Variants in CACNG3 observed in about 807,000 individuals in gnomAD.
The protein encoded by CACNG3 is voltage-dependent calcium channel gamma-3 subunit.
CACNG3 carries 3 observed loss-of-function variants against 28.5 expected under a neutral mutation model. The ratio of observed to expected loss-of-function variants is 0.11; its 90% CI spans 0.05 to 0.27. The LOEUF is 0.27. Ranked by LOEUF, CACNG3 falls within the 10% of genes least tolerant of loss-of-function variation. The probability of loss-of-function intolerance (pLI) is 1.00; values close to 1 mark genes in which losing one functional copy is unlikely to be tolerated. For synonymous variants in CACNG3, 174 were observed against 162.2 expected, an observed-to-expected ratio of 1.07 and a Z score of -0.55; for missense variants, 236 against 414.4, an observed-to-expected ratio of 0.57 and a Z score of 3.74.
intron 1 of CACNG3, among the ~76,000 whole-genome samples, chr16:24,313,761 T>C (rs1021255353): frequency 3.3e-5 from 5 of 152,044 alleles, no homozygotes; most frequent in Admixed American, 1.3e-4. Flanking sequence ...TATTTATTTT[T>C]TGAGATGCAA....
chr16:24,283,798 A>G (rs1364577959), intron 1 of CACNG3, among the ~76,000 whole-genome samples: 2 of 152,214 alleles, frequency 1.3e-5, no homozygotes, highest in African/African-American at 4.8e-5. Context: ...CCCAGAATTT[A>G]TACAAACCTG....
chr16:24,265,033 G>A (rs1363223842), intron 1 of CACNG3, among the ~76,000 whole-genome samples: 1 of 152,146 alleles, frequency 6.6e-6, no homozygotes, highest in Admixed American at 6.5e-5. Context: ...GAGCCCCAAA[G>A]TTTGAGACCA....
chr16:24,354,885 C>A lies in CACNG3; in HGVS notation c.348C>A (p.Phe116Leu). The A allele has an allele frequency of 6.2e-7, 1 of 1,612,362 alleles. No homozygotes were observed. Among genetic ancestry groups the A allele is most frequent in the Non-Finnish European group, 8.5e-7 (1 of 1,180,004 alleles). Reference protein sequence around the residue: ...VFPILSVTLLFFGGLCVAASE... With the variant: ...VFPILSVTLLLFGGLCVAASE... ...CCATCCTCAGTGTCACGCTGCTGTT[C>A]TTCGGCGGGCTCTGCGTGGCAGCCA... Residue 116 changes from phenylalanine (F) to leucine (L), a missense_variant, in exon 3 of 4, where the codon TTC (phenylalanine) becomes TTA (leucine). Physicochemically the swap from Phe to Leu is conservative, Grantham distance 22. Transcript: ENST00000005284.
rs969286145 is a variant in CACNG3 at position 24,336,157 on chromosome 16, G to A, written c.212-10577G>A. ...GGAGAATCGCTTGACCCTGGGAGGC[G>A]GAGGTTGCAGTGAGCCGAGATTGCA... On this transcript the variant is annotated intron_variant, in intron 1 of 3. Coordinates refer to ENST00000005284, the MANE Select transcript of CACNG3 (RefSeq NM_006539.4). Among the ~76,000 whole-genome samples the A allele has an allele frequency of 3.3e-5, 5 of 151,818 alleles. No homozygotes were observed. The South Asian group carries it at 6.2e-4, about 19-fold the overall frequency.
intron 1 of CACNG3, among the ~76,000 whole-genome samples, chr16:24,335,565 C>T (rs1387865741): frequency 6.6e-6 from 1 of 152,208 alleles, no homozygotes; most frequent in African/African-American, 2.4e-5. Context: ...TTATTCTCAG[C>T]TTTCAAAGGA....
intron 1 of CACNG3, among the ~76,000 whole-genome samples, chr16:24,325,340 G>A (rs564380621): frequency 1.1e-4 from 17 of 152,258 alleles, no homozygotes; most frequent in African/African-American, 3.6e-4. Flanking sequence ...ACATCATCAG[G>A]TACATGGGAA....
At chr16:24,353,391 A>G (rs1483266063) in intron 2 of CACNG3, among the ~76,000 whole-genome samples, 1 of 152,234 alleles carries the variant, frequency 6.6e-6, no homozygotes, top group African/African-American at 2.4e-5. Flanking sequence ...TTGGTAAACC[A>G]ATGAGCACAG....
Position 24,257,371 on chromosome 16 carries a change from GAGAGAGAGAGAGA to G in CACNG3, c.211+407_211+419del, listed in dbSNP as rs1898475952. Among the ~76,000 whole-genome samples, 23 of 8,790 alleles carry G rather than the reference GAGAGAGAGAGAGA, an allele frequency of 2.6e-3. 1 individual carries two copies. Among genetic ancestry groups the G allele is most frequent in the African/African-American group, 7.8e-3 (16 of 2,044 alleles). The allele number at this position is 8,790 out of a possible 152,430, so 5.8% of individuals were successfully genotyped here. A position where few individuals can be genotyped will look rare whatever the true frequency, so the allele number is the denominator to read the frequency against. ...ACAAGAGGAAAGAAGTGAGGGGGGAGAGAGAGAGAGAGAGAGAGAGAGAGAGAGAGAGAGAGAG... is the reference window on the plus strand; with the variant it reads ...ACAAGAGGAAAGAAGTGAGGGGGGAGGAGAGAGAGAGAGAGAGAGAGAGAG... On this transcript the variant is annotated intron_variant, in intron 1 of 3. Coordinates refer to ENST00000005284, the MANE Select transcript of CACNG3 (RefSeq NM_006539.4).
chr16:24,257,426 AG>A (rs1898480076), intron 1 of CACNG3, among the ~76,000 whole-genome samples: 1 of 119,448 alleles, frequency 8.4e-6, no homozygotes, highest in South Asian at 2.7e-4. Flanking sequence ...AGAGAGAGAG[AG>A]ATCCTGACCC....
At chr16:24,354,735 C>T in intron 2 of CACNG3, 98 bp from the exon 3 acceptor site, 1 of 1,237,900 alleles carries the variant, frequency 8.1e-7, no homozygotes. Flanking sequence ...CTGTTCTCTT[C>T]CTGTGCTGCC....
At chr16:24,346,162 G>A (rs1289303834) in intron 1 of CACNG3, among the ~76,000 whole-genome samples, 5 of 152,130 alleles carry the variant, frequency 3.3e-5, no homozygotes, top group Non-Finnish European at 7.4e-5. Context: ...GTGTTTTTGC[G>A]CTTCTGAAGT....
At chr16:24,290,964 C>T (rs903685078) in intron 1 of CACNG3, among the ~76,000 whole-genome samples, 5 of 152,108 alleles carry the variant, frequency 3.3e-5, no homozygotes, top group Non-Finnish European at 5.9e-5. Context: ...AGATGGCAAA[C>T]TCCCCAAAGC....
intron 1 of CACNG3, among the ~76,000 whole-genome samples, chr16:24,335,961 CTCCCAAAGTGCTGGGA>C (rs1899698202): frequency 6.6e-6 from 1 of 151,960 alleles, no homozygotes; most frequent in African/African-American, 2.4e-5. Context: ...CTGCCTCGGC[CTCCCAAAGTGCTGGGA>C]TTACAGGCGT....
intron 1 of CACNG3, among the ~76,000 whole-genome samples, chr16:24,288,084 A>G (rs1898917277): frequency 6.6e-6 from 1 of 152,228 alleles, no homozygotes; most frequent in Non-Finnish European, 1.5e-5. Context: ...ACATTAACTC[A>G]ACTCTTTGAA....
chr16:24,357,580 C>T (rs534032585), intron 3 of CACNG3, among the ~76,000 whole-genome samples: 2 of 152,324 alleles, frequency 1.3e-5, no homozygotes, highest in East Asian at 1.9e-4. Flanking sequence ...CTCTGAGAAC[C>T]GACTCAAGCA....
At chr16:24,338,074 A>G (rs930591293) in intron 1 of CACNG3, among the ~76,000 whole-genome samples, 4 of 151,962 alleles carry the variant, frequency 2.6e-5, no homozygotes, top group Non-Finnish European at 5.9e-5. Context: ...AAACCACCGC[A>G]ATAGGCCTTC....
At chr16:24,263,766 T>A (rs967872748) in intron 1 of CACNG3, among the ~76,000 whole-genome samples, 4 of 152,242 alleles carry the variant, frequency 2.6e-5, no homozygotes, top group African/African-American at 9.6e-5. Flanking sequence ...TTCCTTCATT[T>A]CTTCTTACCT....
intron 1 of CACNG3, among the ~76,000 whole-genome samples, chr16:24,276,952 A>C (rs1419955810): frequency 6.6e-6 from 1 of 152,232 alleles, no homozygotes; most frequent in Non-Finnish European, 1.5e-5. Flanking sequence ...ATAATTAAAG[A>C]CACTGTGGGT....
chr16:24,321,406 A>G (rs1033940126), intron 1 of CACNG3, among the ~76,000 whole-genome samples: 6 of 152,096 alleles, frequency 3.9e-5, no homozygotes, highest in African/African-American at 1.4e-4. Flanking sequence ...TCACCACTGC[A>G]CTCCCGCCTG....
Sources: gnomAD v4.1 joint callset for allele counts (sites outside exome capture counted in the v4.1 genomes callset) on GRCh38, gnomAD v4.1.1 for gene constraint, MANE v1.5 for transcripts, NCBI Gene and HGNC (gene_info 2026-07-23, HGNC 2026-07-21) for gene names.